Variants in FAT3 observed in about 807,000 individuals in gnomAD.
The protein encoded by FAT3 is FAT atypical cadherin 3, also known as protocadherin Fat 3.
A neutral mutation model predicts 310.2 loss-of-function variants in FAT3; 95 were observed. The observed-to-expected ratio is 0.31, with a 90% CI of 0.26 to 0.36. The LOEUF is 0.36. Among genes scored for constraint, FAT3 ranks in the 10% least tolerant of loss-of-function variants. The probability of loss-of-function intolerance (pLI) is 1.00; values close to 1 mark genes in which losing one functional copy is unlikely to be tolerated. For missense variants in FAT3, 5,408 were observed against 5,715.6 expected, an observed-to-expected ratio of 0.95 and a Z score of 1.74; for synonymous variants, 2,314 against 2,192.9, an observed-to-expected ratio of 1.06 and a Z score of -1.54.
At chr11:92,740,624 A>G (rs1945481750) in intron 4 of FAT3, among the ~76,000 whole-genome samples, 1 of 152,214 alleles carries the variant, frequency 6.6e-6, no homozygotes, top group East Asian at 1.9e-4. Context: ...ATTCTCTTAA[A>G]TTATTGGATT....
At chr11:92,511,376 C>T (rs1953283410) in intron 2 of FAT3, among the ~76,000 whole-genome samples, 2 of 148,168 alleles carry the variant, frequency 1.3e-5, no homozygotes, top group African/African-American at 2.5e-5. Flanking sequence ...GTTGACTCTT[C>T]TTTTTTTTTT....
chr11:92,731,307 G>T (rs1442840456), intron 4 of FAT3, among the ~76,000 whole-genome samples: 1 of 152,148 alleles, frequency 6.6e-6, no homozygotes, highest in Non-Finnish European at 1.5e-5. Context: ...GTTTTTGGTT[G>T]TCACAATAGC....
At chr11:92,803,668 T>C (rs1947427366) in intron 10 of FAT3, among the ~76,000 whole-genome samples, 2 of 152,208 alleles carry the variant, frequency 1.3e-5, no homozygotes, top group African/African-American at 4.8e-5. Context: ...GCAGCATCCC[T>C]GGCCTCTACC....
chr11:92,689,382 C>T (rs1353948460), intron 3 of FAT3, among the ~76,000 whole-genome samples: 1 of 152,164 alleles, frequency 6.6e-6, no homozygotes, highest in Admixed American at 6.5e-5. Flanking sequence ...CGCCATATTG[C>T]ACATCTAAGC....
rs1947361812 is a variant in FAT3, at chr11:92,801,738, T to C, written c.8725T>C (p.Leu2909=). The change falls in exon 10 of 28, where the codon TTG becomes CTG. Residue 2909 remains leucine, a synonymous_variant. Coordinates refer to ENST00000525166, the MANE Select transcript of FAT3 (RefSeq NM_001367949.2). Reference sequence around the variant, plus strand: ...GGCATTCTCTCTTTCCTCCACGGCCTTGGTCTCTGTCAGAGTGACAGATAT... The same window carrying C: ...GGCATTCTCTCTTTCCTCCACGGCCCTGGTCTCTGTCAGAGTGACAGATAT... ...GEAFSLSSTA[L]VSVRVTDIND... 6.2e-7 allele frequency: 1 copy of C among 1,613,934 alleles called. No homozygotes were observed.
At chr11:92,673,945 C>T (rs1246950150) in intron 3 of FAT3, among the ~76,000 whole-genome samples, 1 of 152,004 alleles carries the variant, frequency 6.6e-6, no homozygotes, top group Non-Finnish European at 1.5e-5. Flanking sequence ...TTTTGGAAGG[C>T]CAAAGTGGTT....
At chr11:92,437,169 C>T (rs555066348) in intron 2 of FAT3, among the ~76,000 whole-genome samples, 11 of 152,138 alleles carry the variant, frequency 7.2e-5, no homozygotes, top group Non-Finnish European at 1.5e-4. Flanking sequence ...AGCAAATAAA[C>T]TCTCATCCTT....
chr11:92,510,107 G>A (rs371052667), intron 2 of FAT3, among the ~76,000 whole-genome samples: 2 of 151,978 alleles, frequency 1.3e-5, no homozygotes, highest in African/African-American at 4.8e-5. Context: ...GACCATTATC[G>A]TCAGAAAATA....
intron 3 of FAT3, among the ~76,000 whole-genome samples, chr11:92,636,558 A>T (rs1014171972): frequency 6.6e-6 from 1 of 152,234 alleles, no homozygotes; most frequent in Non-Finnish European, 1.5e-5. Context: ...CTCTTAAAAA[A>T]ACATTTTTAG....
At chr11:92,232,586 T>A (rs1187172672) in intron 1 of FAT3, among the ~76,000 whole-genome samples, 4 of 150,752 alleles carry the variant, frequency 2.7e-5, no homozygotes. Context: ...CTGTTGGAAC[T>A]TGACCATTTG....
In FAT3 at chr11:92,261,337, A is replaced by G. The variant is rs1233938519; in HGVS notation, c.-18+36163A>G. On this transcript the variant is annotated intron_variant, in intron 1 of 27. Transcript: ENST00000525166. ...TATTGTCTCCAACCTGGGGCCTTAG[A>G]CCTCTGAGTAATTAGAGTATGTGAC... Among the ~76,000 whole-genome samples the G allele has an allele frequency of 3.9e-5, 6 of 152,060 alleles. 1 individual carries two copies. Among genetic ancestry groups the G allele is most frequent in the Admixed American group, 3.3e-4 (5 of 15,244 alleles).
chr11:92,745,583 A>G (rs2944603), intron 4 of FAT3, among the ~76,000 whole-genome samples: 336 of 31,898 alleles, frequency 0.011, no homozygotes, highest in African/African-American at 0.03. Context: ...CTCTGCAGGG[A>G]AAAAAAAAAA....
intron 13 of FAT3, among the ~76,000 whole-genome samples, chr11:92,825,795 G>A (rs1016134285): frequency 1.3e-5 from 2 of 152,012 alleles, no homozygotes; most frequent in Admixed American, 6.5e-5. Context: ...AGAGGACAGG[G>A]TATCAACTCT....
chr11:92,849,375 A>G (rs761849244), intron 19 of FAT3, among the ~76,000 whole-genome samples: 37 of 152,222 alleles, frequency 2.4e-4, no homozygotes, highest in Admixed American at 5.9e-4. Flanking sequence ...GGGAGCTCAC[A>G]AGGCAGCACT....
chr11:92,615,880 GA>G (rs1355309088), intron 3 of FAT3, among the ~76,000 whole-genome samples: 23 of 152,178 alleles, frequency 1.5e-4, no homozygotes, highest in Non-Finnish European at 2.2e-4. Context: ...ATTTGCTGAG[GA>G]GTGCTTTACT....
intron 2 of FAT3, among the ~76,000 whole-genome samples, chr11:92,469,795 A>G (rs958960538): frequency 1.3e-5 from 2 of 152,052 alleles, no homozygotes. Context: ...GATTACAGGC[A>G]TGAGCCACCG....
Position 92,524,856 on chromosome 11 carries a change from C to T in FAT3, c.3515C>T (p.Ala1172Val), listed in dbSNP as rs1485548724. The change falls in exon 3 of 28, where the codon GCT becomes GTT. Residue 1172 changes from alanine (A) to valine (V), a missense_variant. By Grantham distance (64) the Ala-to-Val change is moderately conservative. Around this residue, in one of 5 missense-constraint regions of FAT3, gnomAD observed 4,588 missense variants for 4,809.8 expected, o/e 0.95. Transcript: ENST00000525166. ...GACGTATCTGTCATTCAGATCCAGGCTGAAGATCCTGACTCCAGTTCCAAT... is the reference window on the plus strand; with the variant it reads ...GACGTATCTGTCATTCAGATCCAGGTTGAAGATCCTGACTCCAGTTCCAAT... ...PKDVSVIQIQ[A>V]EDPDSSSNEK... The T allele has an allele frequency of 2.5e-6, 4 of 1,613,752 alleles. No homozygotes were observed. Among genetic ancestry groups the T allele is most frequent in the Non-Finnish European group, 3.4e-6 (4 of 1,179,828 alleles).
At chr11:92,757,176 G>A (rs980491724) in intron 4 of FAT3, among the ~76,000 whole-genome samples, 1 of 151,872 alleles carries the variant, frequency 6.6e-6, no homozygotes, top group African/African-American at 2.4e-5. Flanking sequence ...CGCCCACCTC[G>A]GCCTCCCAAA....
intron 13 of FAT3, among the ~76,000 whole-genome samples, chr11:92,830,162 G>A (rs2136254417): frequency 1.3e-5 from 2 of 152,254 alleles, no homozygotes; most frequent in East Asian, 3.9e-4. Context: ...AGCCCACAAA[G>A]CTGTTACAAT....
Sources: gnomAD v4.1 joint callset for allele counts (sites outside exome capture counted in the v4.1 genomes callset) on GRCh38, gnomAD v4.1.1 for gene constraint, gnomAD v4.1.1 regional missense constraint, MANE v1.5 for transcripts, NCBI Gene and HGNC (gene_info 2026-07-23, HGNC 2026-07-21) for gene names.